Variants in LSAMP observed in about 807,000 individuals in gnomAD.
The protein encoded by LSAMP is limbic system associated membrane protein.
In LSAMP, 7 loss-of-function variants were observed where a neutral mutation model predicts 38.6. That is an observed-to-expected ratio of 0.18 (90% CI 0.10 to 0.34). The LOEUF (loss-of-function observed/expected upper bound fraction) is 0.34, where lower values mean the gene tolerates loss of function less well. Among genes scored for constraint, LSAMP ranks in the 10% least tolerant of loss-of-function variants. The pLI, the probability that LSAMP is intolerant of heterozygous loss-of-function variation, is 1.00. For synonymous variants in LSAMP, 154 were observed against 166.8 expected, an observed-to-expected ratio of 0.92 and a Z score of 0.59; for missense variants, 313 against 420.0, an observed-to-expected ratio of 0.75 and a Z score of 2.23.
intron 1 of LSAMP, among the ~76,000 whole-genome samples, chr3:116,343,231 A>T (rs1296470546): frequency 6.6e-6 from 1 of 152,126 alleles, no homozygotes; most frequent in Non-Finnish European, 1.5e-5. Context: ...GGGAAACTTT[A>T]AAAAGTCAGA....
chr3:116,412,938 A>G (rs867590025), intron 1 of LSAMP, among the ~76,000 whole-genome samples: 1 of 152,138 alleles, frequency 6.6e-6, no homozygotes, highest in South Asian at 2.1e-4. Flanking sequence ...TACTCACTAA[A>G]TCACTGCTGT....
intron 1 of LSAMP, among the ~76,000 whole-genome samples, chr3:116,127,448 AC>A (rs1395426268): frequency 6.6e-6 from 1 of 152,198 alleles, no homozygotes; most frequent in Non-Finnish European, 1.5e-5. Flanking sequence ...ATGCAAGAAT[AC>A]CCAACAGGTG....
chr3:116,063,082 A>C (rs549801148), intron 2 of LSAMP, among the ~76,000 whole-genome samples: 6 of 152,210 alleles, frequency 3.9e-5, no homozygotes, highest in African/African-American at 1.4e-4. Context: ...CCTTATGTAC[A>C]TACATATTGT....
At chr3:116,071,461 T>C (rs1707604911) in intron 2 of LSAMP, among the ~76,000 whole-genome samples, 1 of 151,988 alleles carries the variant, frequency 6.6e-6, no homozygotes, top group Non-Finnish European at 1.5e-5. Context: ...CCCAAAAAAC[T>C]GTAAAAAATA....
chr3:116,142,880 A>G (rs1047759864), intron 1 of LSAMP, among the ~76,000 whole-genome samples: 18 of 151,836 alleles, frequency 1.2e-4, no homozygotes, highest in Admixed American at 1.1e-3. Flanking sequence ...CTGAACCACA[A>G]CTTTTCACAA....
chr3:116,228,863 A>G (rs1010518450), intron 1 of LSAMP, among the ~76,000 whole-genome samples: 6 of 152,082 alleles, frequency 3.9e-5, no homozygotes, highest in East Asian at 3.9e-4. Context: ...GGTATATTCA[A>G]TATCTCATCC....
chr3:116,341,098 G>T (rs2047988890), intron 1 of LSAMP, among the ~76,000 whole-genome samples: 1 of 151,876 alleles, frequency 6.6e-6, no homozygotes, highest in Admixed American at 6.6e-5. Flanking sequence ...CTTTAAAAAT[G>T]GATTTTTGTT....
intron 1 of LSAMP, among the ~76,000 whole-genome samples, chr3:116,150,650 C>T (rs187841812): frequency 8.6e-5 from 13 of 151,960 alleles, no homozygotes; most frequent in East Asian, 7.8e-4. Flanking sequence ...GTAAGTGATG[C>T]GCAGTGATAG....
chr3:116,105,033 A>G (rs1382801800), intron 1 of LSAMP, among the ~76,000 whole-genome samples: 1 of 152,182 alleles, frequency 6.6e-6, no homozygotes, highest in Non-Finnish European at 1.5e-5. Context: ...AATGTGTTTG[A>G]CCATCAGCAA....
chr3:116,087,740 C>A (rs1708023204), intron 1 of LSAMP, among the ~76,000 whole-genome samples: 1 of 152,124 alleles, frequency 6.6e-6, no homozygotes, highest in African/African-American at 2.4e-5. Flanking sequence ...TGATGCATAA[C>A]CCATAGGCTG....
chr3:115,806,359 T>G lies in LSAMP; in HGVS notation c.*3958A>C, dbSNP rs749325599. On this transcript the variant is annotated 3_prime_UTR_variant, in exon 7 of 7. Coordinates refer to ENST00000490035, the MANE Select transcript of LSAMP (RefSeq NM_002338.5). The stretch of plus-strand genomic sequence containing the variant: ...CATATATATTATTGTTTTCCACAAA[T>G]AATTCGAGCCCTGCAAAGAACAAAA... 1 of 152,160 alleles carries G rather than the reference T, an allele frequency of 6.6e-6. No individual in the cohort carries two copies. The highest frequency in any genetic ancestry group is 1.5e-5 in the Non-Finnish European group (1 of 68,014). 9.4% of individuals were successfully genotyped at this position (152,160 alleles called of 1,614,324 possible). A position where few individuals can be genotyped will look rare whatever the true frequency, so the allele number is the denominator to read the frequency against.
intron 1 of LSAMP, among the ~76,000 whole-genome samples, chr3:116,106,331 A>G (rs1374371787): frequency 1.3e-5 from 2 of 152,154 alleles, no homozygotes; most frequent in Non-Finnish European, 1.5e-5. Flanking sequence ...GGTGAATAGG[A>G]GTATGACTAG....
chr3:115,830,897 T>C (rs921288431), intron 6 of LSAMP, among the ~76,000 whole-genome samples: 1 of 152,206 alleles, frequency 6.6e-6, no homozygotes, highest in South Asian at 2.1e-4. Flanking sequence ...ATATGGCTGT[T>C]CTGATGCCAG....
At chr3:115,817,489 A>G (rs1340244622) in intron 6 of LSAMP, among the ~76,000 whole-genome samples, 3 of 152,168 alleles carry the variant, frequency 2.0e-5, no homozygotes, top group Non-Finnish European at 4.4e-5. Flanking sequence ...GGGTCGGAAG[A>G]GCTCAGGTAG....
At chr3:116,440,488 C>G (rs7647924) in intron 1 of LSAMP, among the ~76,000 whole-genome samples, 2,415 of 152,270 alleles carry the variant, frequency 0.016, 73 homozygotes, top group African/African-American at 0.056. Context: ...AAATAAAAAT[C>G]TCCTGTGTAT....
intron 3 of LSAMP, among the ~76,000 whole-genome samples, chr3:115,881,988 C>T (rs964472963): frequency 6.6e-6 from 1 of 152,036 alleles, no homozygotes; most frequent in African/African-American, 2.4e-5. Context: ...TTACAATTTC[C>T]CTGCTCCCAA....
chr3:116,002,368 C>A (rs531042396), intron 3 of LSAMP, among the ~76,000 whole-genome samples: 2 of 152,276 alleles, frequency 1.3e-5, no homozygotes, highest in South Asian at 4.1e-4. Flanking sequence ...TGGTGCCAGA[C>A]ACTGGAGAAC....
At chr3:116,357,089 G>A (rs993485948) in intron 1 of LSAMP, among the ~76,000 whole-genome samples, 3 of 152,186 alleles carry the variant, frequency 2.0e-5, no homozygotes, top group East Asian at 3.9e-4. Flanking sequence ...CATCGCGCCC[G>A]GCTAGGAAGT....
intron 1 of LSAMP, among the ~76,000 whole-genome samples, chr3:116,397,003 C>T (rs2048776918): frequency 6.6e-6 from 1 of 152,198 alleles, no homozygotes; most frequent in Admixed American, 6.5e-5. Context: ...ATCATGATTA[C>T]AATGCCATCA....
Sources: gnomAD v4.1 joint callset for allele counts (sites outside exome capture counted in the v4.1 genomes callset) on GRCh38, gnomAD v4.1.1 for gene constraint, MANE v1.5 for transcripts, NCBI Gene and HGNC (gene_info 2026-07-23, HGNC 2026-07-21) for gene names.